PRDM16: variants seen among roughly 807,000 people sequenced by gnomAD.
PRDM16 encodes histone-lysine N-methyltransferase PRDM16.
In PRDM16, 23 loss-of-function variants were observed where a neutral mutation model predicts 110.6. The observed-to-expected ratio is 0.21, with a 90% CI of 0.15 to 0.29. The LOEUF is 0.29. PRDM16 is among the 10% of genes least tolerant of loss of function. PRDM16 has a pLI of 1.00. For synonymous variants in PRDM16, 799 were observed against 781.8 expected (o/e 1.02, Z -0.37); for missense variants, 1,615 against 1,794.3 (o/e 0.90, Z 1.81).
At chr1:3,328,813 G>T (rs1002791842) in intron 3 of PRDM16, among the ~76,000 whole-genome samples, 2 of 152,156 alleles carry the variant, frequency 1.3e-5, no homozygotes, top group African/African-American at 4.8e-5. Context: ...TTGGGCCATT[G>T]TCCGACCCTC....
intron 1 of PRDM16, among the ~76,000 whole-genome samples, chr1:3,129,440 GGTGTGCATGTGTCTGT>G (rs954485877): frequency 8.6e-5 from 13 of 151,696 alleles, no homozygotes; most frequent in Admixed American, 7.9e-4. Flanking sequence ...TATCCTTCCT[GGTGTGCATGTGTCTGT>G]GTGTGCATGT....
At chr1:3,392,602 CTT>C (rs1384701756) in intron 4 of PRDM16, among the ~76,000 whole-genome samples, 3 of 152,168 alleles carry the variant, frequency 2.0e-5, no homozygotes, top group African/African-American at 7.2e-5. Context: ...AAAGTCGTCT[CTT>C]TTCTTGTGAA....
At chr1:3,231,773 G>A (rs534663002) in intron 2 of PRDM16, among the ~76,000 whole-genome samples, 6 of 152,296 alleles carry the variant, frequency 3.9e-5, no homozygotes, top group South Asian at 2.1e-4. Context: ...GTGGGACCCC[G>A]GGAGGTTACT....
intron 3 of PRDM16, among the ~76,000 whole-genome samples, chr1:3,289,703 G>T (rs953918536): frequency 7.2e-5 from 11 of 152,184 alleles, no homozygotes; most frequent in African/African-American, 2.4e-4. Flanking sequence ...ACAGGCAAAG[G>T]CCCTGGGGCA....
At chr1:3,178,372 A>G (rs1432259458) in intron 1 of PRDM16, among the ~76,000 whole-genome samples, 2 of 152,018 alleles carry the variant, frequency 1.3e-5, no homozygotes, top group African/African-American at 4.8e-5. Flanking sequence ...TCACCTCCGC[A>G]CAGCCCCAAA....
chr1:3,298,532 G>A lies in PRDM16; in HGVS notation c.438+54395G>A, dbSNP rs945741759. 3.3e-5 allele frequency among the ~76,000 whole-genome samples: 5 copies of A among 152,296 alleles called. No individual in the cohort carries two copies. The South Asian group carries it at 6.2e-4, about 19-fold the overall frequency. On this transcript the variant is annotated intron_variant, in intron 3 of 16. Coordinates refer to ENST00000270722, the MANE Select transcript of PRDM16 (RefSeq NM_022114.4). ...CCCCCGGCCCGGAGAGGGCAGCCCC[G>A]GATGATGCCTTTGTGTCCCCACAGC...
chr1:3,199,784 G>A (rs1638572561), intron 2 of PRDM16, among the ~76,000 whole-genome samples: 1 of 152,176 alleles, frequency 6.6e-6, no homozygotes, highest in Non-Finnish European at 1.5e-5. Flanking sequence ...CCACTCTGCT[G>A]GCCCTTGATG....
intron 1 of PRDM16, among the ~76,000 whole-genome samples, chr1:3,070,456 C>T (rs1333242222): frequency 6.7e-6 from 1 of 148,932 alleles, no homozygotes; most frequent in Non-Finnish European, 1.5e-5. Context: ...CCCGCCGAAG[C>T]CCCGGCTGCA....
At chr1:3,258,412 T>C (rs1640093921) in intron 3 of PRDM16, among the ~76,000 whole-genome samples, 1 of 152,246 alleles carries the variant, frequency 6.6e-6, no homozygotes, top group African/African-American at 2.4e-5. Flanking sequence ...ATACTCTCTT[T>C]CAGCGTTGGC....
intron 1 of PRDM16, among the ~76,000 whole-genome samples, chr1:3,172,699 G>C (rs940774994): frequency 6.6e-6 from 1 of 152,216 alleles, no homozygotes; most frequent in Non-Finnish European, 1.5e-5. Flanking sequence ...GCTGTGAAAG[G>C]GCAATAGTGT....
intron 3 of PRDM16, among the ~76,000 whole-genome samples, chr1:3,314,857 G>A (rs563339745): frequency 2.6e-5 from 4 of 152,218 alleles, no homozygotes; most frequent in East Asian, 3.9e-4. Flanking sequence ...TTCAGCCTTC[G>A]CCCTATTCAT....
chr1:3,417,918 C>T lies in PRDM16; in HGVS notation c.2782C>T (p.His928Tyr). The T allele has an allele frequency of 6.2e-7, 1 of 1,612,278 alleles. No individual in the cohort carries two copies. Among genetic ancestry groups the T allele is most frequent in the Non-Finnish European group, 8.5e-7 (1 of 1,178,918 alleles). ...SGSSLQPLPHHPFNFRSPPPT... is the reference protein window; with the variant it reads ...SGSSLQPLPHYPFNFRSPPPT... The stretch of plus-strand genomic sequence containing the variant: ...CAGCTCCCTGCAGCCCCTCCCCCAC[C>T]ACCCCTTCAACTTCCGGTCCCCACC... The change falls in exon 11 of 17, where the codon CAC becomes TAC. Residue 928 changes from histidine to tyrosine, a missense_variant. His to Tyr is a moderately conservative substitution (Grantham distance 83). Transcript: ENST00000270722.
chr1:3,293,099 A>G (rs1197616563), intron 3 of PRDM16, among the ~76,000 whole-genome samples: 3 of 152,226 alleles, frequency 2.0e-5, no homozygotes, highest in Non-Finnish European at 2.9e-5. Context: ...ACTGCACCCT[A>G]TTGACCCTAT....
chr1:3,329,141 C>A (rs1641988271), intron 3 of PRDM16, among the ~76,000 whole-genome samples: 1 of 152,236 alleles, frequency 6.6e-6, no homozygotes, highest in African/African-American at 2.4e-5. Flanking sequence ...CCAGGGAAGG[C>A]ACCAACCACA....
At chr1:3,325,024 C>A (rs887970777) in intron 3 of PRDM16, among the ~76,000 whole-genome samples, 14 of 152,172 alleles carry the variant, frequency 9.2e-5, no homozygotes, top group African/African-American at 3.4e-4. Context: ...CTGGCCCCTA[C>A]ATGTGGCCTC....
chr1:3,126,659 G>C (rs1364781881), intron 1 of PRDM16, among the ~76,000 whole-genome samples: 1 of 152,214 alleles, frequency 6.6e-6, no homozygotes. Context: ...CCTGGGCTCT[G>C]TCAGGGACCC....
At chr1:3,101,861 C>T (rs1312379539) in intron 1 of PRDM16, among the ~76,000 whole-genome samples, 5 of 152,190 alleles carry the variant, frequency 3.3e-5, no homozygotes, top group African/African-American at 1.2e-4. Context: ...TCTTGTCTCC[C>T]CCACCCGGAG....
At chr1:3,199,893 G>A (rs552118283) in intron 2 of PRDM16, among the ~76,000 whole-genome samples, 11 of 152,330 alleles carry the variant, frequency 7.2e-5, no homozygotes, top group African/African-American at 2.6e-4. Flanking sequence ...GCCCCTCAAG[G>A]GCTCCAGGAC....
intron 3 of PRDM16, among the ~76,000 whole-genome samples, chr1:3,277,373 C>T (rs968384707): frequency 3.3e-5 from 5 of 152,226 alleles, no homozygotes; most frequent in African/African-American, 7.2e-5. Context: ...CCAGGAGGCA[C>T]GTCAGCCGGG....
Sources: gnomAD v4.1 joint callset for allele counts (sites outside exome capture counted in the v4.1 genomes callset) on GRCh38, gnomAD v4.1.1 for gene constraint, MANE v1.5 for transcripts, NCBI Gene and HGNC (gene_info 2026-07-23, HGNC 2026-07-21) for gene names.